The following CACNA1C variants were observed in gnomAD, a reference collection of about 807,000 sequenced individuals.
CACNA1C encodes the protein calcium voltage-gated channel subunit alpha1 C.
Under a neutral mutation model 229.0 loss-of-function variants are expected in CACNA1C, and 30 were observed. The observed-to-expected ratio is 0.13, with a 90% CI of 0.10 to 0.18. CACNA1C has a LOEUF of 0.18. CACNA1C is among the 10% of genes least tolerant of loss of function. The probability of loss-of-function intolerance (pLI) is 1.00; values close to 1 mark genes in which losing one functional copy is unlikely to be tolerated. For missense variants in CACNA1C, 1,658 were observed against 2,845.0 expected (o/e 0.58, Z 9.49); for synonymous variants, 1,114 against 1,132.5 (o/e 0.98, Z 0.33).
chr12:2,323,170 G>A (rs977418228), intron 3 of CACNA1C, among the ~76,000 whole-genome samples: 1 of 152,150 alleles, frequency 6.6e-6, no homozygotes. Context: ...CACGGCTGTA[G>A]CTCTTTTTCA....
At chr12:2,115,576 C>T (rs2083471767) in intron 2 of CACNA1C, 31 bp downstream of exon 2, 1 of 1,605,494 alleles carries the variant, frequency 6.2e-7, no homozygotes, top group Admixed American at 1.7e-5. Context: ...TGGGCATGCT[C>T]CTGGGACCTG....
intron 3 of CACNA1C, among the ~76,000 whole-genome samples, chr12:2,353,302 A>C (rs931013518): frequency 8.5e-5 from 13 of 152,202 alleles, no homozygotes; most frequent in Admixed American, 4.6e-4. Context: ...CTCACACAGC[A>C]GAGTGAGCCC....
At chr12:2,471,466 C>G (rs1374149554) in intron 5 of CACNA1C, among the ~76,000 whole-genome samples, 1 of 152,184 alleles carries the variant, frequency 6.6e-6, no homozygotes, top group African/African-American at 2.4e-5. Context: ...ATCATTTCCC[C>G]TTATCTTGAA....
intron 3 of CACNA1C, among the ~76,000 whole-genome samples, chr12:2,263,050 A>C (rs2080946490): frequency 6.6e-6 from 1 of 152,162 alleles, no homozygotes; most frequent in Non-Finnish European, 1.5e-5. Flanking sequence ...AGGGATGGAG[A>C]TAGGGTGCTT....
chr12:2,093,839 A>C (rs894653990), intron 1 of CACNA1C, among the ~76,000 whole-genome samples: 6 of 152,238 alleles, frequency 3.9e-5, no homozygotes, highest in Admixed American at 6.5e-5. Context: ...TAGTGCCTGC[A>C]GTTGCAGGCT....
chr12:2,572,941 CCTT>C (rs1420070618), intron 13 of CACNA1C, among the ~76,000 whole-genome samples: 13 of 118,794 alleles, frequency 1.1e-4, no homozygotes, highest in Non-Finnish European at 2.0e-4. Flanking sequence ...CTCTCCTCCT[CCTT>C]CTCCTCTTCC....
chr12:2,655,270 C>T, intron 34 of CACNA1C, 32 bp downstream of exon 34: 1 of 1,303,088 alleles, frequency 7.7e-7, no homozygotes, highest in Non-Finnish European at 1.1e-6. Context: ...TGCACAGATA[C>T]ACACACACCT....
chr12:2,051,610 C>T (rs921622998), upstream of CACNA1C, among the ~76,000 whole-genome samples: 10 of 152,172 alleles, frequency 6.6e-5, no homozygotes. Context: ...TGGTCAGGTT[C>T]TGAATTCACC....
intron 1 of CACNA1C, among the ~76,000 whole-genome samples, chr12:2,086,619 T>TGACA (rs2067772891): frequency 6.6e-6 from 1 of 152,238 alleles, no homozygotes; most frequent in African/African-American, 2.4e-5. Flanking sequence ...GTGCAGTTAC[T>TGACA]CCTGGTCAGG....
Position 2,595,444 on chromosome 12 carries a change from A to G in CACNA1C, c.2664-430A>G, listed in dbSNP as rs1469444031. ...AATTGCACATTTAAAGCTATTACACAGGAGCAGATCACCTACAGAGAGCCG... is the reference window on the plus strand; with the variant it reads ...AATTGCACATTTAAAGCTATTACACGGGAGCAGATCACCTACAGAGAGCCG... On this transcript the variant is annotated intron_variant, in intron 19 of 46. Coordinates refer to ENST00000399655, the MANE Select transcript of CACNA1C (RefSeq NM_000719.7). The surrounding 1 kb of genome is among the most constrained non-coding windows in gnomAD (Gnocchi z 4.1). Among the ~76,000 whole-genome samples the G allele has an allele frequency of 1.3e-5, 2 of 152,170 alleles. No individual in the cohort carries two copies. Among genetic ancestry groups the G allele is most frequent in the Non-Finnish European group, 2.9e-5 (2 of 68,032 alleles).
intron 7 of CACNA1C, among the ~76,000 whole-genome samples, chr12:2,495,030 C>T (rs368825183): frequency 4.9e-4 from 74 of 152,274 alleles, no homozygotes; most frequent in African/African-American, 1.8e-3. Context: ...GGACCCATGC[C>T]GCGGCAAAGC....
chr12:2,475,143 C>G (rs1470466241), intron 5 of CACNA1C, among the ~76,000 whole-genome samples: 1 of 151,900 alleles, frequency 6.6e-6, no homozygotes, highest in Non-Finnish European at 1.5e-5. Flanking sequence ...ACTAAAAATA[C>G]AAAAAATTAG....
chr12:2,107,912 C>A (rs1304090785), intron 1 of CACNA1C, among the ~76,000 whole-genome samples: 8 of 152,214 alleles, frequency 5.3e-5, no homozygotes, highest in African/African-American at 1.9e-4. Context: ...CTTAATACAG[C>A]ACAACCTGTG....
chr12:2,673,692 C>G (rs1053474462), intron 38 of CACNA1C, among the ~76,000 whole-genome samples: 1 of 152,200 alleles, frequency 6.6e-6, no homozygotes, highest in African/African-American at 2.4e-5. Flanking sequence ...GGGACCCCCT[C>G]TGCTCCTAGA....
chr12:2,489,647 T>A (rs578185739), intron 6 of CACNA1C, among the ~76,000 whole-genome samples: 1 of 152,348 alleles, frequency 6.6e-6, no homozygotes, highest in South Asian at 2.1e-4. Context: ...TTCATTCTAT[T>A]TACTCCTTAA....
At chr12:2,513,092 G>T in intron 9 of CACNA1C, 108 bp downstream of exon 9, 7 of 814,932 alleles carry the variant, frequency 8.6e-6, no homozygotes, top group South Asian at 4.6e-5. Context: ...AGCCCACGGG[G>T]TGCCTTCCTG....
intron 5 of CACNA1C, among the ~76,000 whole-genome samples, chr12:2,477,131 C>G (rs1333709123): frequency 6.6e-6 from 1 of 152,204 alleles, no homozygotes; most frequent in African/African-American, 2.4e-5. Context: ...AAAACATGAT[C>G]TGTGAGATTC....
intron 5 of CACNA1C, among the ~76,000 whole-genome samples, chr12:2,478,850 G>A (rs139459163): frequency 1.8e-4 from 28 of 152,242 alleles, no homozygotes; most frequent in African/African-American, 6.3e-4. Context: ...TAGGTTCTCC[G>A]TAGGTGCTTG....
rs183716531 is a variant in CACNA1C at position 2,464,250 on chromosome 12, G to A, written c.757+6544G>A. Among the ~76,000 whole-genome samples the A allele has an allele frequency of 2.7e-3, 412 of 152,250 alleles. 3 individuals are homozygous for A. The highest frequency in any genetic ancestry group is 2.9e-3 in the Non-Finnish European group (197 of 68,018). Reference sequence around the variant, plus strand: ...GACACTCATCATGAATGTTTATTGAGCACTCTCTGTGAGCCAAGCACAAAG... The same window carrying A: ...GACACTCATCATGAATGTTTATTGAACACTCTCTGTGAGCCAAGCACAAAG... On this transcript the variant is annotated intron_variant, in intron 5 of 46. Transcript: ENST00000399655.
Sources: allele counts gnomAD v4.1 joint callset (sites outside exome capture counted in the v4.1 genomes callset), GRCh38; gene constraint gnomAD v4.1.1; non-coding constraint Gnocchi (gnomAD v3.1); transcripts MANE v1.5; gene names NCBI Gene and HGNC (gene_info 2026-07-23, HGNC 2026-07-21).